The following ARSB variants were observed in gnomAD, a reference collection of about 807,000 sequenced individuals.
ARSB encodes the protein N-acetylgalactosamine-4-sulfatase.
ARSB carries 41 observed loss-of-function variants against 50.9 expected under a neutral mutation model. That is an observed-to-expected ratio of 0.81 (90% CI 0.63 to 1.04). ARSB has a LOEUF of 1.04. Ranked by LOEUF, ARSB falls within the 50% of genes least tolerant of loss-of-function variation. The pLI is 0.00. For missense variants in ARSB, 672 were observed against 693.3 expected, an observed-to-expected ratio of 0.97 and a Z score of 0.35; for synonymous variants, 269 against 284.8, an observed-to-expected ratio of 0.94 and a Z score of 0.56.
At chr5:78,964,065 G>A (rs337847) in intron 3 of ARSB, among the ~76,000 whole-genome samples, 137,347 of 152,246 alleles carry the variant, frequency 0.9, 62,072 homozygotes, top group African/African-American at 0.92. Flanking sequence ...GCACATGCAC[G>A]TAATATACCA....
intron 3 of ARSB, among the ~76,000 whole-genome samples, chr5:78,957,287 G>C (rs1019830304): frequency 6.6e-6 from 1 of 152,120 alleles, no homozygotes; most frequent in African/African-American, 2.4e-5. Context: ...CTTTGGTGGG[G>C]GGGTGGTGCT....
chr5:78,784,771 T>C (rs1360019072), intron 6 of ARSB, among the ~76,000 whole-genome samples: 1 of 152,160 alleles, frequency 6.6e-6, no homozygotes. Flanking sequence ...AGATACGTTT[T>C]GCTAGTGTTT....
intron 4 of ARSB, among the ~76,000 whole-genome samples, chr5:78,949,659 G>T (rs766663873): frequency 6.6e-6 from 1 of 152,120 alleles, no homozygotes; most frequent in Non-Finnish European, 1.5e-5. Flanking sequence ...ACTGTAATCC[G>T]AGCACTCTGA....
chr5:78,964,218 C>T (rs888921257), intron 3 of ARSB, among the ~76,000 whole-genome samples, 198 bp downstream of exon 3: 16 of 152,150 alleles, frequency 1.1e-4, no homozygotes, highest in African/African-American at 3.6e-4. Context: ...TAATAAATCA[C>T]ACCCTAGAGG....
At chr5:78,848,792 G>A (rs897489528) in intron 5 of ARSB, among the ~76,000 whole-genome samples, 1 of 152,186 alleles carries the variant, frequency 6.6e-6, no homozygotes, top group Non-Finnish European at 1.5e-5. Context: ...TCTCATTGTG[G>A]TTTTGATTTG....
chr5:78,935,479 C>G (rs1293804708), intron 4 of ARSB, among the ~76,000 whole-genome samples: 2 of 152,180 alleles, frequency 1.3e-5, no homozygotes, highest in Non-Finnish European at 2.9e-5. Flanking sequence ...CAGGGCCTAG[C>G]AGAGAGCTTG....
intron 1 of ARSB, among the ~76,000 whole-genome samples, chr5:78,980,924 C>T (rs688180): frequency 0.19 from 12,914 of 66,858 alleles, 4,837 homozygotes; most frequent in Admixed American, 0.24. Flanking sequence ...GTAGAGAGAC[C>T]TGAATTTCTA....
At chr5:78,841,785 A>G (rs1180346713) in intron 5 of ARSB, among the ~76,000 whole-genome samples, 1 of 152,192 alleles carries the variant, frequency 6.6e-6, no homozygotes, top group East Asian at 1.9e-4. Flanking sequence ...TTTGAAACCA[A>G]GCGTTGTGTA....
At chr5:78,925,041 C>A (rs750755473) in intron 4 of ARSB, among the ~76,000 whole-genome samples, 3 of 152,172 alleles carry the variant, frequency 2.0e-5, no homozygotes, top group Non-Finnish European at 2.9e-5. Flanking sequence ...GGTTGCATAT[C>A]TCCAAGGAAG....
intron 3 of ARSB, among the ~76,000 whole-genome samples, chr5:78,959,216 C>T (rs559513941): frequency 6.6e-6 from 1 of 152,228 alleles, no homozygotes; most frequent in South Asian, 2.1e-4. Context: ...CTCCTGCTGC[C>T]ACGTGAAGAA....
chr5:78,984,017 T>C (rs62377913), intron 1 of ARSB, among the ~76,000 whole-genome samples: 22,246 of 152,112 alleles, frequency 0.15, 1,780 homozygotes, highest in South Asian at 0.2. Flanking sequence ...AATATGACAA[T>C]CGTATTCAGA....
chr5:78,979,347 G>A (rs549643782), intron 1 of ARSB, among the ~76,000 whole-genome samples: 1 of 152,320 alleles, frequency 6.6e-6, no homozygotes, highest in South Asian at 2.1e-4. Flanking sequence ...ACAAGTGTTG[G>A]CAAGGATGTG....
At chr5:78,848,657 A>G (rs1745582263) in intron 5 of ARSB, among the ~76,000 whole-genome samples, 1 of 152,162 alleles carries the variant, frequency 6.6e-6, no homozygotes, top group African/African-American at 2.4e-5. Context: ...TGACTTCCAC[A>G]ATGGTTGAAC....
In ARSB at chr5:78,871,397, A is replaced by G. The variant is rs1036749757; in HGVS notation, c.1142+14187T>C. 1.7e-4 allele frequency among the ~76,000 whole-genome samples: 26 copies of G among 151,406 alleles called. No homozygotes were observed. In the East Asian group the frequency reaches 1.7e-3, roughly 10 times the overall value. On this transcript the variant is annotated intron_variant, in intron 5 of 7. Transcript: ENST00000264914. ...AAAAGAACAAAGCTGGAGGCATCAC[A>G]CTACCTGACTTCAAACTATACTACA...
chr5:78,870,348 A>C lies in ARSB; in HGVS notation c.1142+15236T>G, dbSNP rs1291970089. ...CATCATCCTGATACCAAAGCCAGGC[A>C]GAGACACAACCAAAAAAGAGAATTT... On this transcript the variant is annotated intron_variant, in intron 5 of 7. Coordinates refer to ENST00000264914, the MANE Select transcript of ARSB (RefSeq NM_000046.5). Among the ~76,000 whole-genome samples, 16 of 82,886 alleles carry C rather than the reference A, an allele frequency of 1.9e-4. 4 individuals carry two copies. Among genetic ancestry groups the C allele is most frequent in the Non-Finnish European group, 3.8e-4 (15 of 39,912 alleles). 54.4% of individuals were successfully genotyped at this position (82,886 alleles called of 152,430 possible). A position where few individuals can be genotyped will look rare whatever the true frequency, so the allele number is the denominator to read the frequency against.
chr5:78,903,782 T>C (rs1443775707), intron 4 of ARSB, among the ~76,000 whole-genome samples: 1 of 152,232 alleles, frequency 6.6e-6, no homozygotes, highest in African/African-American at 2.4e-5. Flanking sequence ...TACATGAATC[T>C]TTTCTATACT....
intron 5 of ARSB, among the ~76,000 whole-genome samples, chr5:78,871,391 C>T (rs906600170): frequency 6.6e-6 from 1 of 151,396 alleles, no homozygotes. Context: ...AAGCTGGAGG[C>T]ATCACACTAC....
At chr5:78,830,247 A>C (rs552342888) in intron 6 of ARSB, among the ~76,000 whole-genome samples, 2 of 152,194 alleles carry the variant, frequency 1.3e-5, no homozygotes, top group Non-Finnish European at 2.9e-5. Context: ...GGAAAAAAAA[A>C]CAAACGCTGA....
At chr5:78,796,043 G>A (rs566306717) in intron 6 of ARSB, among the ~76,000 whole-genome samples, 2 of 152,316 alleles carry the variant, frequency 1.3e-5, no homozygotes, top group South Asian at 4.1e-4. Flanking sequence ...AGCCAGCAGT[G>A]TTGATTGAGC....
Sources: gnomAD v4.1 joint callset for allele counts (sites outside exome capture counted in the v4.1 genomes callset) on GRCh38, gnomAD v4.1.1 for gene constraint, MANE v1.5 for transcripts, NCBI Gene and HGNC (gene_info 2026-07-23, HGNC 2026-07-21) for gene names.